The following TNS3 variants were observed in gnomAD, a reference collection of about 807,000 sequenced individuals.
TNS3 encodes tensin 3.
In TNS3, 45 loss-of-function variants were observed where a neutral mutation model predicts 140.9. That is an observed-to-expected ratio of 0.32 (90% CI 0.25 to 0.41). TNS3 has a LOEUF of 0.41. Ranked by LOEUF, TNS3 falls within the 10% of genes least tolerant of loss-of-function variation. TNS3 has a pLI of 1.00. For missense variants in TNS3, 1,716 were observed against 1,906.7 expected (o/e 0.90, Z 1.86); for synonymous variants, 815 against 788.4 (o/e 1.03, Z -0.56).
At chr7:47,562,298 A>T (rs568678474) in intron 1 of TNS3, among the ~76,000 whole-genome samples, 1 of 152,292 alleles carries the variant, frequency 6.6e-6, no homozygotes, top group Non-Finnish European at 1.5e-5. Flanking sequence ...AGTTATCTTA[A>T]GTAGACTCAA....
intron 20 of TNS3, among the ~76,000 whole-genome samples, chr7:47,310,043 T>C (rs1424444217): frequency 6.6e-6 from 1 of 152,186 alleles, no homozygotes; most frequent in Non-Finnish European, 1.5e-5. Flanking sequence ...ATAGGGGCCA[T>C]ACACAAACTA....
At chr7:47,453,785 A>G (rs1796129393) in intron 4 of TNS3, among the ~76,000 whole-genome samples, 1 of 152,192 alleles carries the variant, frequency 6.6e-6, no homozygotes. Context: ...GGTGACATAG[A>G]GTCCCGGACC....
At chr7:47,343,029 G>A (rs1219908329) in intron 20 of TNS3, among the ~76,000 whole-genome samples, 3 of 152,190 alleles carry the variant, frequency 2.0e-5, no homozygotes, top group African/African-American at 7.2e-5. Context: ...CATTAATATT[G>A]TTATCATGTC....
In TNS3 at chr7:47,441,985, A is replaced by G. The variant is rs1338879375; in HGVS notation, c.-23+18T>C. 1 of 1,289,854 alleles carries G rather than the reference A, an allele frequency of 7.8e-7. No homozygotes were observed. The highest frequency in any genetic ancestry group is 1.5e-5 in the African/African-American group (1 of 65,986). 79.9% of individuals were successfully genotyped at this position (1,289,854 alleles called of 1,614,324 possible). A position where few individuals can be genotyped will look rare whatever the true frequency, so the allele number is the denominator to read the frequency against. On this transcript the variant is annotated intron_variant, in intron 5 of 30. Transcript: ENST00000311160. ...ACAGCCAGAGACACAGGAATGCATG[A>G]CCCACACAGACACTCACCGCAGAGG...
At chr7:47,573,260 A>G (rs1584868305) in intron 1 of TNS3, among the ~76,000 whole-genome samples, 1 of 152,148 alleles carries the variant, frequency 6.6e-6, no homozygotes, top group Non-Finnish European at 1.5e-5. Context: ...CAATGCCTTC[A>G]CCCACCTCAC....
chr7:47,281,324 C>T (rs891902618), intron 28 of TNS3, among the ~76,000 whole-genome samples: 5 of 152,222 alleles, frequency 3.3e-5, no homozygotes, highest in Non-Finnish European at 5.9e-5. Flanking sequence ...TCCAAGAGTG[C>T]TATCCACCCA....
intron 2 of TNS3, among the ~76,000 whole-genome samples, chr7:47,509,394 C>A (rs905918830): frequency 6.6e-6 from 1 of 152,176 alleles, no homozygotes; most frequent in Admixed American, 6.5e-5. Context: ...CTCAGAGTAG[C>A]AAGTCCACCG....
At chr7:47,539,721 C>T (rs766863147) in intron 1 of TNS3, 2 of 155,308 alleles carry the variant, frequency 1.3e-5, no homozygotes, top group Non-Finnish European at 2.9e-5. Flanking sequence ...GGGCCCTGAC[C>T]CTCTAGTGTG....
intron 4 of TNS3, among the ~76,000 whole-genome samples, chr7:47,465,959 A>T (rs917726862): frequency 7.9e-5 from 12 of 152,044 alleles, no homozygotes; most frequent in African/African-American, 2.4e-4. Flanking sequence ...TAAATAATTT[A>T]AAAAAATAAA....
intron 4 of TNS3, among the ~76,000 whole-genome samples, chr7:47,470,814 T>A (rs939555846): frequency 6.6e-6 from 1 of 152,142 alleles, no homozygotes; most frequent in African/African-American, 2.4e-5. Context: ...TGTTGACCGT[T>A]CACAATTCCC....
intron 20 of TNS3, among the ~76,000 whole-genome samples, chr7:47,311,399 A>AGTGTGTGTGTGT (rs10617598): frequency 4.7e-5 from 7 of 147,434 alleles, no homozygotes; most frequent in East Asian, 2.0e-4. Flanking sequence ...GAACTTAAAG[A>AGTGTGTGTGTGT]GTGTGTGTGT....
At chr7:47,307,456 G>T (rs1476807905) in intron 20 of TNS3, among the ~76,000 whole-genome samples, 2 of 152,198 alleles carry the variant, frequency 1.3e-5, no homozygotes, top group African/African-American at 4.8e-5. Flanking sequence ...AAGCTGCAAT[G>T]AGTATTTTTA....
rs761664819 is a variant in TNS3 at position 47,368,878 on chromosome 7, C to T, written c.1768G>A (p.Val590Met). 4 of 1,613,602 alleles carry T rather than the reference C, an allele frequency of 2.5e-6. No homozygotes were observed. The highest frequency in any genetic ancestry group is 3.4e-6 in the Non-Finnish European group (4 of 1,179,930). ...GCTACAACCATCTGCTGCTGGCGCACCCAGGTCTGTGTGGAGTAGCTGCTC... is the reference window on the plus strand; with the variant it reads ...GCTACAACCATCTGCTGCTGGCGCATCCAGGTCTGTGTGGAGTAGCTGCTC... ...GQSSYSTQTW[V>M]RQQQMVVAHQ... Residue 590 changes from valine to methionine, a missense_variant, in exon 17 of 31, where the codon GTG becomes ATG. Physicochemically the swap from Val to Met is conservative, Grantham distance 21. This residue lies in a region of TNS3 where 1,163 missense variants were observed against 1,182.1 expected (regional missense o/e 0.98). Transcript: ENST00000311160.
At chr7:47,452,823 C>T in intron 4 of TNS3, 1 of 669,872 alleles carries the variant, frequency 1.5e-6, no homozygotes, top group Non-Finnish European at 1.8e-6. Context: ...AATGCCCCTT[C>T]ACTGCAAAGC....
intron 1 of TNS3, among the ~76,000 whole-genome samples, chr7:47,569,798 G>C (rs548444733): frequency 6.6e-6 from 1 of 151,904 alleles, no homozygotes; most frequent in South Asian, 2.1e-4. Flanking sequence ...AGGATGCAGT[G>C]AGCCGAGATG....
intron 3 of TNS3, among the ~76,000 whole-genome samples, chr7:47,485,007 G>A (rs888220854): frequency 2.0e-5 from 3 of 152,212 alleles, no homozygotes; most frequent in African/African-American, 4.8e-5. Flanking sequence ...GGAGGGTCCC[G>A]GTGCACTGCA....
chr7:47,286,127 T>C (rs548697009), intron 27 of TNS3, among the ~76,000 whole-genome samples: 1 of 152,272 alleles, frequency 6.6e-6, no homozygotes, highest in South Asian at 2.1e-4. Context: ...GGGAAAATTT[T>C]GACCTAACTA....
At chr7:47,280,564 G>A (rs550421004) in intron 28 of TNS3, among the ~76,000 whole-genome samples, 14 of 152,198 alleles carry the variant, frequency 9.2e-5, no homozygotes, top group Non-Finnish European at 2.1e-4. Context: ...ACCAGTAGAC[G>A]GAAGCACCAC....
intron 1 of TNS3, among the ~76,000 whole-genome samples, chr7:47,571,393 T>C (rs1343553407): frequency 1.3e-5 from 2 of 152,218 alleles, no homozygotes; most frequent in Non-Finnish European, 2.9e-5. Flanking sequence ...CCCTTTCCGC[T>C]TCACCCCCAG....
Sources: allele counts gnomAD v4.1 joint callset (sites outside exome capture counted in the v4.1 genomes callset), GRCh38; gene constraint gnomAD v4.1.1; regional missense constraint gnomAD v4.1.1; transcripts MANE v1.5; gene names NCBI Gene and HGNC (gene_info 2026-07-23, HGNC 2026-07-21).